The following FAM8A1 variants were observed in gnomAD, a reference collection of about 807,000 sequenced individuals.
FAM8A1 encodes the protein family with sequence similarity 8 member A1.
FAM8A1 carries 18 observed loss-of-function variants against 38.3 expected under a neutral mutation model. The ratio of observed to expected loss-of-function variants is 0.47; its 90% CI spans 0.33 to 0.70. The LOEUF is 0.70. FAM8A1 is among the 30% of genes least tolerant of loss of function. FAM8A1 has a pLI of 0.03. For synonymous variants in FAM8A1, 246 were observed against 234.4 expected (o/e 1.05, Z -0.45); for missense variants, 559 against 559.6 (o/e 1.00, Z 0.01).
intron 3 of FAM8A1, 91 bp from the exon 4 acceptor site, chr6:17,605,783 T>C: frequency 2.3e-6 from 3 of 1,317,400 alleles, no homozygotes; most frequent in Non-Finnish European, 3.0e-6. Flanking sequence ...ACTTGAAAAA[T>C]TTAAAACATG....
intron 4 of FAM8A1, among the ~76,000 whole-genome samples, chr6:17,606,723 C>A (rs1189542474): frequency 6.6e-6 from 1 of 152,082 alleles, no homozygotes; most frequent in African/African-American, 2.4e-5. Flanking sequence ...CCTTCTCCTG[C>A]TGTTAGGTGA....
At position 17,611,609 on chromosome 6, in the gene FAM8A1, A is replaced by G. The variant is rs1231552093; in HGVS notation, c.*3270A>G. 6.6e-6 allele frequency: 1 copy of G among 152,522 alleles called. No individual in the cohort carries two copies. Among genetic ancestry groups the G allele is most frequent in the Non-Finnish European group, 1.5e-5 (1 of 68,042 alleles). The allele number at this position is 152,522 out of a possible 1,614,324, so 9.4% of individuals were successfully genotyped here. ...TTCATTATAGTAAGGCTTAACCTGT[A>G]AACAGTATCTGATGGCCCACCTATA... On this transcript the variant is annotated 3_prime_UTR_variant, in exon 5 of 5. Transcript: ENST00000259963.
intron 2 of FAM8A1, 138 bp from the exon 3 acceptor site, chr6:17,604,768 A>G (rs770108315): frequency 7.9e-6 from 5 of 634,748 alleles, no homozygotes; most frequent in Non-Finnish European, 1.3e-5. Flanking sequence ...TGAATGCTTT[A>G]TGATACTAGA....
At chr6:17,605,288 C>T (rs1460990246) in intron 3 of FAM8A1, among the ~76,000 whole-genome samples, 1 of 152,114 alleles carries the variant, frequency 6.6e-6, no homozygotes. Context: ...GCCATGTAGG[C>T]CAGGCTGGTC....
At chr6:17,606,229 C>T (rs1227351762) in intron 4 of FAM8A1, among the ~76,000 whole-genome samples, 5 of 133,282 alleles carry the variant, frequency 3.8e-5, no homozygotes, top group Admixed American at 8.2e-5. Flanking sequence ...GAGACGGAGT[C>T]TCACTCTGTT....
intron 3 of FAM8A1, among the ~76,000 whole-genome samples, 160 bp from the exon 4 acceptor site, chr6:17,605,714 C>T (rs1302114488): frequency 6.6e-6 from 1 of 152,108 alleles, no homozygotes; most frequent in African/African-American, 2.4e-5. Flanking sequence ...ATGTTAGAGA[C>T]CTACAGAAAT....
intron 3 of FAM8A1, among the ~76,000 whole-genome samples, chr6:17,605,446 T>G (rs2113746356): frequency 6.7e-6 from 1 of 148,884 alleles, no homozygotes; most frequent in Middle Eastern, 3.5e-3. Context: ...TATTCATGTC[T>G]TTTCCACATG....
At position 17,600,691 on chromosome 6, in the gene FAM8A1, G is replaced by A; in HGVS notation, c.282G>A (p.Glu94=). The A allele has an allele frequency of 6.2e-7, 1 of 1,602,498 alleles. No individual in the cohort carries two copies. The highest frequency in any genetic ancestry group is 1.1e-5 in the South Asian group (1 of 90,670). ...AGCTGCAGGAGCAGGCGGGCTGCGAGGCGCCCGAAGCCGCGGCGCCACGAG... is the reference window on the plus strand; with the variant it reads ...AGCTGCAGGAGCAGGCGGGCTGCGAAGCGCCCGAAGCCGCGGCGCCACGAG... ...GAELQEQAGC[E]APEAAAPRER... is the part of the protein sequence containing the mutation. Residue 94 remains glutamate, a synonymous_variant, in exon 1 of 5, where the codon GAG becomes GAA. Coordinates refer to ENST00000259963, the MANE Select transcript of FAM8A1 (RefSeq NM_016255.3).
At chr6:17,606,402 G>A (rs536570414) in intron 4 of FAM8A1, among the ~76,000 whole-genome samples, 5 of 152,002 alleles carry the variant, frequency 3.3e-5, no homozygotes, top group East Asian at 1.9e-4. Flanking sequence ...GGGTTTCACC[G>A]TGTTAACCAG....
chr6:17,603,707 A>C (rs1764016261), intron 2 of FAM8A1, among the ~76,000 whole-genome samples: 1 of 151,492 alleles, frequency 6.6e-6, no homozygotes, highest in African/African-American at 2.4e-5. Flanking sequence ...CCTCACAAGG[A>C]GCTGGGACCA....
rs181359380 is a variant in FAM8A1, at chr6:17,602,116, C to T, written c.713-474C>T. Among the ~76,000 whole-genome samples the T allele has an allele frequency of 2.8e-3, 421 of 152,292 alleles. 2 individuals carry two copies. The highest frequency in any genetic ancestry group is 9.2e-3 in the African/African-American group (382 of 41,576). On this transcript the variant is annotated intron_variant, in intron 1 of 4. Transcript: ENST00000259963. The stretch of plus-strand genomic sequence containing the variant: ...GGCGATCTTGGCTCCCTGCAGCCTC[C>T]GCCTCCCAGGTTCAAGCCGTCCTGC...
rs1040272216 is a variant in FAM8A1 at position 17,600,805 on chromosome 6, C to T, written c.396C>T (p.His132=). 2 of 1,611,024 alleles carry T rather than the reference C, an allele frequency of 1.2e-6. No individual in the cohort carries two copies. The highest frequency in any genetic ancestry group is 1.6e-4 in the Middle Eastern group (1 of 6,082). The part of the protein sequence containing the change: ...WQSYCGYLTW[H]SGLAAFPAYC... The stretch of plus-strand genomic sequence containing the variant: ...CCTACTGCGGCTACCTCACCTGGCA[C>T]AGCGGCCTGGCCGCCTTCCCAGCCT... Residue 132 remains histidine (H), a synonymous_variant, in exon 1 of 5, where the codon CAC becomes CAT. Transcript: ENST00000259963.
intron 4 of FAM8A1, among the ~76,000 whole-genome samples, chr6:17,607,978 A>T (rs543890570): frequency 3.1e-4 from 47 of 152,356 alleles, no homozygotes; most frequent in Admixed American, 5.9e-4. Flanking sequence ...GTCTTATTAG[A>T]AATAGCCCAG....
Position 17,605,023 on chromosome 6 carries a change from C to A in FAM8A1, c.951C>A (p.Phe317Leu). 6.2e-7 allele frequency: 1 copy of A among 1,605,598 alleles called. No individual in the cohort carries two copies. Among genetic ancestry groups the A allele is most frequent in the South Asian group, 1.1e-5 (1 of 89,670 alleles). Residue 317 changes from phenylalanine (F) to leucine (L), a missense_variant, in exon 3 of 5, where the codon TTC (phenylalanine) becomes TTA (leucine). This residue lies in a region of FAM8A1 where 166 missense variants were observed against 220.8 expected (regional missense o/e 0.75). Coordinates refer to ENST00000259963, the MANE Select transcript of FAM8A1 (RefSeq NM_016255.3). ...VALIYRLLVC[F>L]YEIICIWGAG... ...TTATATACAGATTATTAGTTTGTTT[C>A]TATGAGGTAAGCTACTGACTTCAGC...
intron 4 of FAM8A1, among the ~76,000 whole-genome samples, chr6:17,607,258 C>CAAAAAAAAAAAAAAAAA (rs879878979): frequency 2.8e-5 from 1 of 35,246 alleles, no homozygotes; most frequent in African/African-American, 9.4e-5. Context: ...GACTCCATCT[C>CAAAAAAAAAAAAAAAAA]AAAAAAAAAA....
chr6:17,608,562 A>C lies in FAM8A1; in HGVS notation c.*223A>C, dbSNP rs2113748235. The stretch of plus-strand genomic sequence containing the variant: ...ATTAAAATTTTTAGATCAAAAAGGC[A>C]AATGATTTTATAAACAATGGACAAT... On this transcript the variant is annotated 3_prime_UTR_variant, in exon 5 of 5. Coordinates refer to ENST00000259963, the MANE Select transcript of FAM8A1 (RefSeq NM_016255.3). The C allele has an allele frequency of 2.5e-6, 1 of 392,548 alleles. No homozygotes were observed. Among genetic ancestry groups the C allele is most frequent in the East Asian group, 3.9e-5 (1 of 25,670 alleles). The allele number at this position is 392,548 out of a possible 1,614,324, so 24.3% of individuals were successfully genotyped here.
intron 2 of FAM8A1, among the ~76,000 whole-genome samples, 186 bp downstream of exon 2, chr6:17,602,896 A>G (rs1764005779): frequency 6.6e-6 from 1 of 152,252 alleles, no homozygotes; most frequent in South Asian, 2.1e-4. Context: ...GAAAGGAAAA[A>G]AAATAGCTTA....
Position 17,603,893 on chromosome 6 carries a change from T to TA in FAM8A1, c.834-1012dup, listed in dbSNP as rs11453053. On this transcript the variant is annotated intron_variant, in intron 2 of 4. Coordinates refer to ENST00000259963, the MANE Select transcript of FAM8A1 (RefSeq NM_016255.3). Reference sequence around the variant, plus strand: ...GAGCCACCACACCTGGCCCATTTTTTATCATCATTGCTTCTCCCTACTCCG... The same window carrying TA: ...GAGCCACCACACCTGGCCCATTTTTTAATCATCATTGCTTCTCCCTACTCCG... Among the ~76,000 whole-genome samples the TA allele has an allele frequency of 3.5e-3, 531 of 152,136 alleles. 3 individuals are homozygous for TA. Among genetic ancestry groups the TA allele is most frequent in the African/African-American group, 0.013 (525 of 41,498 alleles).
At position 17,602,617 on chromosome 6, in the gene FAM8A1, C is replaced by A. The variant is rs772575200; in HGVS notation, c.740C>A (p.Ala247Asp). 2 of 1,611,698 alleles carry A rather than the reference C, an allele frequency of 1.2e-6. No individual in the cohort carries two copies. Among genetic ancestry groups the A allele is most frequent in the South Asian group, 1.1e-5 (1 of 90,752 alleles). The change falls in exon 2 of 5, where the codon GCC becomes GAC. Residue 247 changes from alanine (A) to aspartate (D), a missense_variant. By Grantham distance (126) the Ala-to-Asp change is moderately radical. Around this residue, in one of 2 missense-constraint regions of FAM8A1, gnomAD observed 166 missense variants for 220.8 expected, o/e 0.75. Transcript: ENST00000259963. ...AGREYVIPSL[A>D]HRFMAEMVDF... ...AGAGAATATGTTATTCCATCCTTGG[C>A]CCACAGATTTATGGCAGAGATGGTG...
Sources: allele counts gnomAD v4.1 joint callset (sites outside exome capture counted in the v4.1 genomes callset), GRCh38; gene constraint gnomAD v4.1.1; regional missense constraint gnomAD v4.1.1; transcripts MANE v1.5; gene names NCBI Gene and HGNC (gene_info 2026-07-23, HGNC 2026-07-21).